The following TMEM71 variants were observed in gnomAD, a reference collection of about 807,000 sequenced individuals.
The protein encoded by TMEM71 is transmembrane protein 71.
Under a neutral mutation model 38.0 loss-of-function variants are expected in TMEM71, and 44 were observed. That is an observed-to-expected ratio of 1.16 (90% confidence interval 0.91 to 1.49). The LOEUF (loss-of-function observed/expected upper bound fraction) is 1.49, where lower values mean the gene tolerates loss of function less well. Ranked by LOEUF, TMEM71 falls within the 40% of genes most tolerant of loss-of-function variation. The pLI is 0.00. For missense variants in TMEM71, 367 were observed against 348.6 expected (o/e 1.05, Z -0.42); for synonymous variants, 133 against 122.5 (o/e 1.09, Z -0.56).
the TMEM71 span, among the ~76,000 whole-genome samples, chr8:132,769,724 C>A: frequency 6.6e-6 from 1 of 152,218 alleles, no homozygotes. Context: ...GGCACCAAAT[C>A]AATTGGCACC....
At chr8:132,736,462 A>G (rs1016479993) in intron 5 of TMEM71, among the ~76,000 whole-genome samples, 16 of 152,150 alleles carry the variant, frequency 1.1e-4, no homozygotes, top group African/African-American at 3.6e-4. Context: ...GTCAGACAGG[A>G]TGAAAAATGT....
At chr8:132,744,158 T>C (rs1259713593) in intron 5 of TMEM71, among the ~76,000 whole-genome samples, 2 of 151,788 alleles carry the variant, frequency 1.3e-5, no homozygotes, top group East Asian at 1.9e-4. Context: ...TTTATATTCA[T>C]CTTTCTATCC....
At chr8:132,720,035 AT>A (rs370358604) in intron 7 of TMEM71, among the ~76,000 whole-genome samples, 4,914 of 150,148 alleles carry the variant, frequency 0.033, 261 homozygotes, top group African/African-American at 0.11. Context: ...ATGTCCCTTA[AT>A]TTTTTTTTTC....
intron 4 of TMEM71, among the ~76,000 whole-genome samples, chr8:132,749,165 T>C (rs1828554576): frequency 6.6e-6 from 1 of 152,122 alleles, no homozygotes. Context: ...CTAACCAATG[T>C]AAGAAAACCA....
At position 132,726,851 on chromosome 8, in the gene TMEM71, C is replaced by CTTT. The variant is rs766951516; in HGVS notation, c.676+946_676+947insAAA. ...CTTTTTGTTGTTTCCTCTTCTTCTT[C>CTTT]TTCTTTTTTTTTTTTTTGGAGTCTT... is the stretch of plus-strand genomic sequence containing the variant. On this transcript the variant is annotated intron_variant, in intron 6 of 9. Transcript: ENST00000677595. Among the ~76,000 whole-genome samples, 24 of 148,014 alleles carry CTTT rather than the reference C, an allele frequency of 1.6e-4. 1 individual carries two copies. The highest frequency in any genetic ancestry group is 5.1e-4 in the African/African-American group (20 of 39,352).
chr8:132,744,217 T>A (rs982461160), intron 5 of TMEM71, among the ~76,000 whole-genome samples: 3 of 152,222 alleles, frequency 2.0e-5, no homozygotes, highest in Non-Finnish European at 2.9e-5. Flanking sequence ...AATAAATATC[T>A]GTTGTTTCCA....
chr8:132,755,373 G>T (rs952177300), intron 3 of TMEM71, among the ~76,000 whole-genome samples: 5 of 152,128 alleles, frequency 3.3e-5, no homozygotes, highest in African/African-American at 1.2e-4. Context: ...CTTGACTCTT[G>T]CTTCATTCTG....
intron 4 of TMEM71, among the ~76,000 whole-genome samples, chr8:132,747,980 G>C (rs1191605139): frequency 6.6e-6 from 1 of 152,216 alleles, no homozygotes; most frequent in Non-Finnish European, 1.5e-5. Context: ...AGAGGTACAA[G>C]ATTGAGGTCA....
At chr8:132,726,135 T>C (rs1046271542) in intron 6 of TMEM71, among the ~76,000 whole-genome samples, 2 of 151,956 alleles carry the variant, frequency 1.3e-5, no homozygotes, top group Admixed American at 6.6e-5. Flanking sequence ...GAAAGAGAAG[T>C]CCTGGGAGCT....
At chr8:132,751,265 A>G (rs755780251) in intron 4 of TMEM71, among the ~76,000 whole-genome samples, 27 of 152,074 alleles carry the variant, frequency 1.8e-4, no homozygotes, top group Non-Finnish European at 3.7e-4. Flanking sequence ...GCTATTCCCT[A>G]AGTTTTACCA....
intron 5 of TMEM71, among the ~76,000 whole-genome samples, chr8:132,741,276 T>C (rs1828019390): frequency 6.6e-6 from 1 of 152,142 alleles, no homozygotes; most frequent in South Asian, 2.1e-4. Context: ...GGGAGAAGAA[T>C]TGCTTGAACC....
At chr8:132,749,191 G>A (rs893308314) in intron 4 of TMEM71, among the ~76,000 whole-genome samples, 1 of 152,166 alleles carries the variant, frequency 6.6e-6, no homozygotes, top group African/African-American at 2.4e-5. Flanking sequence ...CAATAGCCTG[G>A]CCTGGGGAAT....
chr8:132,770,576 C>T, the TMEM71 span, among the ~76,000 whole-genome samples: 3 of 152,282 alleles, frequency 2.0e-5, no homozygotes, highest in East Asian at 1.9e-4. Flanking sequence ...TGTTGGGGAT[C>T]CCCAGAATCA....
intron 3 of TMEM71, among the ~76,000 whole-genome samples, chr8:132,754,796 C>T: frequency 6.6e-6 from 1 of 152,110 alleles, no homozygotes; most frequent in East Asian, 1.9e-4. Flanking sequence ...TCTATGTCCT[C>T]AATCCAAATC....
chr8:132,732,851 A>T (rs372455550), intron 5 of TMEM71, among the ~76,000 whole-genome samples: 20 of 152,316 alleles, frequency 1.3e-4, no homozygotes, highest in South Asian at 4.1e-4. Context: ...CAGGGATGCT[A>T]TTAAACACCC....
chr8:132,770,306 C>T, the TMEM71 span, among the ~76,000 whole-genome samples: 5 of 152,182 alleles, frequency 3.3e-5, no homozygotes, highest in African/African-American at 1.2e-4. Context: ...ATTCCAGTCT[C>T]TTTCTTTTAA....
At chr8:132,718,962 A>T (rs1443907219) in intron 7 of TMEM71, among the ~76,000 whole-genome samples, 1 of 152,236 alleles carries the variant, frequency 6.6e-6, no homozygotes, top group East Asian at 1.9e-4. Flanking sequence ...ATCCCACCAT[A>T]TGGAAGAAGT....
intron 5 of TMEM71, among the ~76,000 whole-genome samples, chr8:132,743,255 C>T (rs1468858904): frequency 6.6e-6 from 1 of 152,146 alleles, no homozygotes; most frequent in African/African-American, 2.4e-5. Flanking sequence ...CTCCCTTTCC[C>T]TTCCCAGCAG....
chr8:132,730,114 A>G (rs1827372073), intron 5 of TMEM71, among the ~76,000 whole-genome samples: 1 of 152,142 alleles, frequency 6.6e-6, no homozygotes, highest in Non-Finnish European at 1.5e-5. Context: ...ATGTGCCACC[A>G]TGCCCAGCTA....
Sources: gnomAD v4.1 joint callset for allele counts (sites outside exome capture counted in the v4.1 genomes callset) on GRCh38, gnomAD v4.1.1 for gene constraint, MANE v1.5 for transcripts, NCBI Gene and HGNC (gene_info 2026-07-23, HGNC 2026-07-21) for gene names.